Variants in NRXN3 observed in about 807,000 individuals in gnomAD.
NRXN3 encodes the protein neurexin III.
Under a neutral mutation model 137.6 loss-of-function variants are expected in NRXN3, and 32 were observed. That is an observed-to-expected ratio of 0.23 (90% CI 0.18 to 0.31). The LOEUF is 0.31. NRXN3 is among the 10% of genes least tolerant of loss of function. The pLI is 1.00. For missense variants in NRXN3, 1,574 were observed against 2,062.5 expected (o/e 0.76, Z 4.59); for synonymous variants, 798 against 784.5 (o/e 1.02, Z -0.29).
chr14:78,263,341 A>G (rs1283415765), intron 2 of NRXN3, among the ~76,000 whole-genome samples: 1 of 152,090 alleles, frequency 6.6e-6, no homozygotes, highest in Non-Finnish European at 1.5e-5. Context: ...TATCAGAAAA[A>G]ATTGCAAATA....
chr14:78,675,726 T>C (rs924324297), intron 6 of NRXN3, among the ~76,000 whole-genome samples: 2 of 152,208 alleles, frequency 1.3e-5, no homozygotes, highest in African/African-American at 2.4e-5. Flanking sequence ...TTCTGGGCCA[T>C]ATTTTAAAAT....
intron 4 of NRXN3, among the ~76,000 whole-genome samples, chr14:78,383,731 A>G (rs186457222): frequency 1.3e-5 from 2 of 152,180 alleles, no homozygotes; most frequent in Admixed American, 6.5e-5. Flanking sequence ...TTTCCTTACC[A>G]GTAGAATGGG....
chr14:78,312,900 A>T (rs1011758409), intron 4 of NRXN3, among the ~76,000 whole-genome samples: 1 of 152,210 alleles, frequency 6.6e-6, no homozygotes, highest in Non-Finnish European at 1.5e-5. Context: ...GTTTTCTACT[A>T]TGTGCTCCGC....
At chr14:78,282,553 G>C (rs988289818) in intron 3 of NRXN3, 3 of 167,356 alleles carry the variant, frequency 1.8e-5, no homozygotes, top group East Asian at 1.6e-4. Context: ...GAGGAAATAG[G>C]CCTCCTGCTT....
chr14:78,364,176 G>A (rs1285740713), intron 4 of NRXN3, among the ~76,000 whole-genome samples: 1 of 152,208 alleles, frequency 6.6e-6, no homozygotes, highest in Non-Finnish European at 1.5e-5. Flanking sequence ...ACAAATCAAA[G>A]AGAGCTTCAC....
At chr14:79,551,609 C>G (rs2097190667) in intron 16 of NRXN3, among the ~76,000 whole-genome samples, 2 of 152,162 alleles carry the variant, frequency 1.3e-5, no homozygotes, top group African/African-American at 4.8e-5. Flanking sequence ...TAGGGTGCAG[C>G]TTGAGCTGCT....
At chr14:78,319,554 C>G (rs559215523) in intron 4 of NRXN3, among the ~76,000 whole-genome samples, 1 of 152,276 alleles carries the variant, frequency 6.6e-6, no homozygotes, top group South Asian at 2.1e-4. Context: ...TCATGTGACC[C>G]GTGAGCCCCA....
At chr14:78,593,037 T>C (rs1427359678) in intron 4 of NRXN3, among the ~76,000 whole-genome samples, 1 of 152,172 alleles carries the variant, frequency 6.6e-6, no homozygotes, top group East Asian at 1.9e-4. Flanking sequence ...CCTTGAATCA[T>C]CTGATTTTGC....
At chr14:79,667,274 C>G (rs142570061) in intron 17 of NRXN3, among the ~76,000 whole-genome samples, 8 of 152,010 alleles carry the variant, frequency 5.3e-5, no homozygotes, top group African/African-American at 1.7e-4. Context: ...TAGAAATCAT[C>G]AAGGGTTTAG....
intron 3 of NRXN3, among the ~76,000 whole-genome samples, chr14:78,285,099 T>C (rs2074990086): frequency 6.6e-6 from 1 of 152,156 alleles, no homozygotes; most frequent in Non-Finnish European, 1.5e-5. Context: ...TTTAACCTGA[T>C]AGATTAGAAT....
chr14:78,652,309 T>A (rs2097753345), intron 6 of NRXN3, among the ~76,000 whole-genome samples: 1 of 152,198 alleles, frequency 6.6e-6, no homozygotes, highest in Non-Finnish European at 1.5e-5. Context: ...CACTACTTGT[T>A]TATTACCATT....
At chr14:79,236,663 G>A (rs756416157) in intron 15 of NRXN3, among the ~76,000 whole-genome samples, 1 of 152,062 alleles carries the variant, frequency 6.6e-6, no homozygotes, top group African/African-American at 2.4e-5. Context: ...TATAATGTCA[G>A]CACTTTGGGA....
chr14:78,853,058 T>C (rs546315091), intron 10 of NRXN3, among the ~76,000 whole-genome samples: 2 of 152,186 alleles, frequency 1.3e-5, no homozygotes, highest in South Asian at 2.1e-4. Flanking sequence ...ATTGTATACA[T>C]GTATCATACG....
intron 8 of NRXN3, among the ~76,000 whole-genome samples, chr14:78,755,113 G>A (rs1322873354): frequency 1.3e-5 from 2 of 151,802 alleles, no homozygotes; most frequent in Non-Finnish European, 2.9e-5. Context: ...TGTCACCCCC[G>A]GGCTAAATTC....
intron 2 of NRXN3, among the ~76,000 whole-genome samples, chr14:78,253,810 C>G (rs1377350417): frequency 1.3e-5 from 2 of 149,540 alleles, no homozygotes; most frequent in African/African-American, 5.0e-5. Flanking sequence ...CCCCCCCGCC[C>G]AAAGAAAACC....
At chr14:78,273,916 G>T in intron 2 of NRXN3, among the ~76,000 whole-genome samples, 1 of 152,314 alleles carries the variant, frequency 6.6e-6, no homozygotes, top group East Asian at 1.9e-4. Context: ...AAATAGGTCA[G>T]ACTCAAGGCA....
intron 16 of NRXN3, among the ~76,000 whole-genome samples, chr14:79,553,478 C>G (rs1469671564): frequency 6.6e-6 from 1 of 152,166 alleles, no homozygotes; most frequent in African/African-American, 2.4e-5. Context: ...TTACTTATAG[C>G]TACTTAGTGC....
At chr14:78,196,956 A>G (rs959658281) in intron 1 of NRXN3, among the ~76,000 whole-genome samples, 30 of 152,322 alleles carry the variant, frequency 2.0e-4, no homozygotes, top group Non-Finnish European at 3.7e-4. Context: ...GTCAAAGTCT[A>G]CTGGTGAGAG....
rs74549496 is a variant in NRXN3, at chr14:79,367,295, C to T, written c.3263-99926C>T. On this transcript the variant is annotated intron_variant, in intron 15 of 20. Coordinates refer to ENST00000335750, the MANE Select transcript of NRXN3 (RefSeq NM_001330195.2). ...ACCACGCCCTGCCCCCTTAGTCTGA[C>T]TGACCAAATTTCATGTGTTTACGGA... Among the ~76,000 whole-genome samples the T allele has an allele frequency of 8.0e-3, 1,222 of 152,330 alleles. 11 individuals are homozygous for T. Among genetic ancestry groups the T allele is most frequent in the South Asian group, 0.014 (67 of 4,824 alleles).
Sources: allele counts gnomAD v4.1 joint callset (sites outside exome capture counted in the v4.1 genomes callset), GRCh38; gene constraint gnomAD v4.1.1; transcripts MANE v1.5; gene names NCBI Gene and HGNC (gene_info 2026-07-23, HGNC 2026-07-21).